Variants in SCML1 observed in about 807,000 individuals in gnomAD.
SCML1 encodes the protein sex comb on midleg-like protein 1.
For missense variants in SCML1, 137 were observed against 258.1 expected (o/e 0.53, Z 3.22); for synonymous variants, 104 against 103.6 (o/e 1.00, Z -0.02).
rs767423804 is a variant in SCML1 at position 17,749,270 on chromosome X, G to A, written c.199-130G>A. On this transcript the variant is annotated intron_variant, in intron 4 of 7. Transcript: ENST00000380041. Reference sequence around the variant, plus strand: ...GAATAGGAGCAAGACATTTCTGATGGCTTGAGAACTTTTGTTGTGTCTAGC... The same window carrying A: ...GAATAGGAGCAAGACATTTCTGATGACTTGAGAACTTTTGTTGTGTCTAGC... 206 of 419,106 alleles carry A rather than the reference G, an allele frequency of 4.9e-4. 1 individual carries two copies. The highest frequency in any genetic ancestry group is 4.3e-3 in the African/African-American group (168 of 39,477). 34.5% of individuals were successfully genotyped at this position (419,106 alleles called of 1,213,427 possible).
intron 1 of SCML1, among the ~76,000 whole-genome samples, chrX:17,739,476 T>C (rs2066572612): frequency 9.0e-6 from 1 of 111,264 alleles, no homozygotes; most frequent in Non-Finnish European, 1.9e-5. Context: ...AATCTAGTCA[T>C]GGTTGGGCTC....
Position 17,750,087 on chromosome X carries a change from G to A in SCML1, c.497G>A (p.Arg166Gln), listed in dbSNP as rs1324713355. 11 of 1,209,882 alleles carry A rather than the reference G, an allele frequency of 9.1e-6. No individual in the cohort carries two copies. Among genetic ancestry groups the A allele is most frequent in the African/African-American group, 3.5e-5 (2 of 57,246 alleles). The part of the protein sequence containing the change: ...RPSFCMEEYQ[R>Q]AELEEDPILS... ...TCCTTTTGCATGGAAGAATACCAGCGAGCTGAGCTGGAGGAGGACCCGATC... is the reference window on the plus strand; with the variant it reads ...TCCTTTTGCATGGAAGAATACCAGCAAGCTGAGCTGGAGGAGGACCCGATC... Residue 166 changes from arginine (R) to glutamine (Q), a missense_variant, in exon 6 of 8, where the codon CGA becomes CAA. Transcript: ENST00000380041.
At chrX:17,750,647 G>A (rs989207367) in intron 6 of SCML1, among the ~76,000 whole-genome samples, 2 of 111,977 alleles carry the variant, frequency 1.8e-5, no homozygotes, top group Non-Finnish European at 3.8e-5. Flanking sequence ...CATTTATTAC[G>A]CCATCCCCAC....
rs1445223252 is a variant in SCML1 at position 17,754,760 on chromosome X, T to C, written c.*1368T>C. The C allele has an allele frequency of 8.9e-6, 1 of 112,916 alleles. No individual in the cohort carries two copies. The highest frequency in any genetic ancestry group is 9.4e-5 in the Admixed American group (1 of 10,665). 9.3% of individuals were successfully genotyped at this position (112,916 alleles called of 1,213,427 possible). On this transcript the variant is annotated 3_prime_UTR_variant, in exon 8 of 8. Transcript: ENST00000380041. ...GATGCAAGAATGTACCTTTTCTTTTTAGAAAGCCAAATGTACTTTAGACAT... is the reference window on the plus strand; with the variant it reads ...GATGCAAGAATGTACCTTTTCTTTTCAGAAAGCCAAATGTACTTTAGACAT...
chrX:17,748,940 G>T (rs1170472061), intron 4 of SCML1, among the ~76,000 whole-genome samples: 1 of 112,619 alleles, frequency 8.9e-6, no homozygotes, highest in Non-Finnish European at 1.9e-5. Flanking sequence ...TTGGTTCAGT[G>T]TTCTTTCTGG....
intron 4 of SCML1, among the ~76,000 whole-genome samples, chrX:17,746,692 A>G (rs1330197435): frequency 8.9e-6 from 1 of 112,338 alleles, no homozygotes; most frequent in Non-Finnish European, 1.9e-5. Flanking sequence ...GGTGTTTATC[A>G]TGATCATGGA....
chrX:17,738,616 C>T (rs1179332639), intron 1 of SCML1, among the ~76,000 whole-genome samples: 1 of 111,211 alleles, frequency 9.0e-6, no homozygotes, highest in Non-Finnish European at 1.9e-5. Flanking sequence ...GCTGTGTGTT[C>T]CTCAAAGTGG....
intron 2 of SCML1, 48 bp from the exon 3 acceptor site, chrX:17,745,408 G>A: frequency 2.5e-6 from 2 of 797,189 alleles, no homozygotes; most frequent in African/African-American, 2.1e-5. Flanking sequence ...TTTTCTTTTA[G>A]TTCTGTCTTT....
At chrX:17,744,275 C>T in intron 2 of SCML1, 56 bp downstream of exon 2, 1 of 983,052 alleles carries the variant, frequency 1.0e-6, no homozygotes, top group South Asian at 2.1e-5. Context: ...TATACTTCTA[C>T]TCTAAATTTA....
At chrX:17,741,936 A>C (rs1382849589) in intron 1 of SCML1, among the ~76,000 whole-genome samples, 1 of 112,292 alleles carries the variant, frequency 8.9e-6, no homozygotes, top group African/African-American at 3.2e-5. Context: ...TCAAAGAATC[A>C]AAAGAAAGTA....
At chrX:17,741,542 G>A (rs2066594875) in intron 1 of SCML1, among the ~76,000 whole-genome samples, 1 of 112,244 alleles carries the variant, frequency 8.9e-6, no homozygotes, top group African/African-American at 3.2e-5. Flanking sequence ...TTTTAATAAT[G>A]AAGTAAAGTG....
chrX:17,740,662 G>A (rs920786681), intron 1 of SCML1, among the ~76,000 whole-genome samples: 1 of 112,157 alleles, frequency 8.9e-6, no homozygotes, highest in African/African-American at 3.2e-5. Context: ...GACAGTTGCC[G>A]TAGAAGTATT....
chrX:17,746,320 C>G (rs1260307232), intron 4 of SCML1, among the ~76,000 whole-genome samples: 4 of 112,186 alleles, frequency 3.6e-5, no homozygotes, highest in Non-Finnish European at 7.5e-5. Flanking sequence ...AGCCCATTAC[C>G]AACCAAATGT....
At chrX:17,737,269 T>G (rs1214360905), upstream of SCML1, among the ~76,000 whole-genome samples, 1 of 94,569 alleles carries the variant, frequency 1.1e-5, no homozygotes, top group African/African-American at 4.0e-5. Flanking sequence ...CACAGCTATC[T>G]CCTCAGCAAA....
chrX:17,747,301 C>T (rs1489086091), intron 4 of SCML1, among the ~76,000 whole-genome samples: 3 of 111,312 alleles, frequency 2.7e-5, no homozygotes, highest in Non-Finnish European at 5.7e-5. Flanking sequence ...TGCCCCCCAT[C>T]GGGCATCCCC....
At chrX:17,747,692 A>G (rs923166345) in intron 4 of SCML1, among the ~76,000 whole-genome samples, 4 of 111,858 alleles carry the variant, frequency 3.6e-5, no homozygotes, top group African/African-American at 1.3e-4. Flanking sequence ...CACCTGTGTC[A>G]CGCCACTGGT....
rs1362915066 is a variant in SCML1, at chrX:17,753,896, A to C, written c.*504A>C. The stretch of plus-strand genomic sequence containing the variant: ...ACAAGTTTCCAGAAAGAGAATAGCC[A>C]TATAAATTATTTTCCTTTCTGCTAT... On this transcript the variant is annotated 3_prime_UTR_variant, in exon 8 of 8. Transcript: ENST00000380041. 8.9e-6 allele frequency: 1 copy of C among 111,977 alleles called. No homozygotes were observed. Among genetic ancestry groups the C allele is most frequent in the Non-Finnish European group, 1.9e-5 (1 of 53,140 alleles). The allele number at this position is 111,977 out of a possible 1,213,427, so 9.2% of individuals were successfully genotyped here. A position where few individuals can be genotyped will look rare whatever the true frequency, so the allele number is the denominator to read the frequency against.
rs758763383 is a variant in SCML1, at chrX:17,754,581, A to G, written c.*1189A>G. On this transcript the variant is annotated 3_prime_UTR_variant, in exon 8 of 8. Coordinates refer to ENST00000380041, the MANE Select transcript of SCML1 (RefSeq NM_001037540.3). Reference sequence around the variant, plus strand: ...CTTTGGGGGCTTTATTTTGTAAGTTAGAACTTTCAAGGGAAACATGTTCAA... The same window carrying G: ...CTTTGGGGGCTTTATTTTGTAAGTTGGAACTTTCAAGGGAAACATGTTCAA... 3.5e-5 allele frequency: 4 copies of G among 112,971 alleles called. No homozygotes were observed. In the South Asian group the frequency reaches 1.5e-3, roughly 41 times the overall value. 9.3% of individuals were successfully genotyped at this position (112,971 alleles called of 1,213,427 possible). A position where few individuals can be genotyped will look rare whatever the true frequency, so the allele number is the denominator to read the frequency against.
intron 1 of SCML1, among the ~76,000 whole-genome samples, chrX:17,743,312 T>C (rs762039358): frequency 8.9e-6 from 1 of 111,904 alleles, no homozygotes; most frequent in Non-Finnish European, 1.9e-5. Flanking sequence ...AATCTCTTAA[T>C]TGTGCCTCTC....
Sources: gnomAD v4.1 joint callset for allele counts (sites outside exome capture counted in the v4.1 genomes callset) on GRCh38, gnomAD v4.1.1 for gene constraint, MANE v1.5 for transcripts, NCBI Gene and HGNC (gene_info 2026-07-23, HGNC 2026-07-21) for gene names.